The following DOK5 variants were observed in gnomAD, a reference collection of about 807,000 sequenced individuals.
DOK5 encodes the protein downstream of tyrosine kinase 5.
DOK5 carries 27 observed loss-of-function variants against 43.3 expected under a neutral mutation model. The ratio of observed to expected loss-of-function variants is 0.62; its 90% confidence interval spans 0.46 to 0.86. The LOEUF (loss-of-function observed/expected upper bound fraction) is 0.86, where lower values mean the gene tolerates loss of function less well. Among genes scored for constraint, DOK5 ranks in the 40% least tolerant of loss-of-function variants. The pLI, the probability that DOK5 is intolerant of heterozygous loss-of-function variation, is 0.00. For missense variants in DOK5, 373 were observed against 392.9 expected (o/e 0.95, Z 0.43); for synonymous variants, 146 against 140.1 (o/e 1.04, Z -0.30).
intron 2 of DOK5, among the ~76,000 whole-genome samples, chr20:54,561,499 A>T (rs1317265850): frequency 6.6e-6 from 1 of 152,208 alleles, no homozygotes; most frequent in African/African-American, 2.4e-5. Flanking sequence ...TGGAAAGCTC[A>T]TGGATTGAGG....
intron 1 of DOK5, among the ~76,000 whole-genome samples, chr20:54,485,716 T>G (rs1482169180): frequency 6.6e-6 from 1 of 152,214 alleles, no homozygotes; most frequent in Admixed American, 6.5e-5. Context: ...TGTGTCTAGT[T>G]TTTAAAGAAA....
intron 1 of DOK5, among the ~76,000 whole-genome samples, chr20:54,525,442 A>T (rs1983545209): frequency 6.6e-6 from 1 of 152,216 alleles, no homozygotes; most frequent in South Asian, 2.1e-4. Flanking sequence ...TACCCTAAAG[A>T]GCAAGTAACA....
chr20:54,647,948 C>T (rs1023283004), intron 7 of DOK5, among the ~76,000 whole-genome samples: 1 of 151,992 alleles, frequency 6.6e-6, no homozygotes, highest in Non-Finnish European at 1.5e-5. Flanking sequence ...ACGAGGGAGA[C>T]AAGCCATATT....
chr20:54,579,681 C>T (rs1422358329), intron 2 of DOK5, among the ~76,000 whole-genome samples: 2 of 152,114 alleles, frequency 1.3e-5, no homozygotes, highest in East Asian at 3.8e-4. Context: ...ATTGTCTTCA[C>T]ATAGCATAAT....
At chr20:54,525,118 A>T (rs562475648) in intron 1 of DOK5, among the ~76,000 whole-genome samples, 1 of 152,324 alleles carries the variant, frequency 6.6e-6, no homozygotes, top group South Asian at 2.1e-4. Flanking sequence ...TCTAATTATG[A>T]GTGTCCTTGC....
intron 1 of DOK5, among the ~76,000 whole-genome samples, chr20:54,536,251 T>A (rs2146711173): frequency 6.6e-6 from 1 of 152,276 alleles, no homozygotes; most frequent in African/African-American, 2.4e-5. Context: ...TCTGAGATGG[T>A]GACATCATGG....
intron 1 of DOK5, among the ~76,000 whole-genome samples, chr20:54,499,539 T>C (rs35321528): frequency 0.12 from 17,619 of 152,236 alleles, 1,155 homozygotes; most frequent in African/African-American, 0.17. Context: ...GTTCTGCTAA[T>C]ATGGCAGTTA....
chr20:54,632,951 C>T (rs1978637898), intron 6 of DOK5, among the ~76,000 whole-genome samples: 1 of 152,018 alleles, frequency 6.6e-6, no homozygotes, highest in South Asian at 2.1e-4. Flanking sequence ...GTGGTGCGTC[C>T]CTGTAATCCC....
rs1279501553 is a variant in DOK5 at position 54,610,407 on chromosome 20, G to A, written c.619G>A (p.Gly207Arg). 3 of 1,582,134 alleles carry A rather than the reference G, an allele frequency of 1.9e-6. No individual in the cohort carries two copies. The highest frequency in any genetic ancestry group is 3.8e-5 in the Admixed American group (2 of 53,196). The change falls in exon 6 of 8, where the codon GGG becomes AGG. Residue 207 changes from glycine (G) to arginine (R), a missense_variant. Transcript: ENST00000262593. Reference protein sequence around the residue: ...EAGRMCETGEGLFIFQTRDGE... With the variant: ...EAGRMCETGERLFIFQTRDGE... ...TCACAGGATGTGTGAGACTGGTGAA[G>A]GGCTGTTTATCTTTCAGACCCGAGA...
chr20:54,503,790 C>T (rs1053262722), intron 1 of DOK5, among the ~76,000 whole-genome samples: 1 of 152,098 alleles, frequency 6.6e-6, no homozygotes, highest in African/African-American at 2.4e-5. Context: ...CTAGGTGCTC[C>T]TAGTGCTGAA....
intron 1 of DOK5, among the ~76,000 whole-genome samples, chr20:54,487,188 G>T (rs1981970391): frequency 6.6e-6 from 1 of 152,002 alleles, no homozygotes; most frequent in African/African-American, 2.4e-5. Flanking sequence ...ATAATTTTAG[G>T]GTAGTAAACA....
chr20:54,620,048 T>C (rs1013145687), intron 6 of DOK5, among the ~76,000 whole-genome samples: 2 of 150,972 alleles, frequency 1.3e-5, no homozygotes, highest in Non-Finnish European at 3.0e-5. Flanking sequence ...GGTTAACTTA[T>C]GGATTTTTTA....
chr20:54,615,638 G>A (rs191658660), intron 6 of DOK5, among the ~76,000 whole-genome samples: 69 of 152,284 alleles, frequency 4.5e-4, no homozygotes, highest in African/African-American at 1.5e-3. Context: ...ACAGCCTAGC[G>A]CAGTGGCTCA....
intron 1 of DOK5, among the ~76,000 whole-genome samples, chr20:54,539,934 C>T (rs547282702): frequency 4.3e-4 from 65 of 152,302 alleles, no homozygotes; most frequent in African/African-American, 1.3e-3. Context: ...TGAAGTGCAG[C>T]GGAGGAAATA....
chr20:54,519,770 T>A (rs73140104), intron 1 of DOK5, among the ~76,000 whole-genome samples: 6,750 of 152,330 alleles, frequency 0.044, 201 homozygotes, highest in Middle Eastern at 0.075. Flanking sequence ...ACTATGTTTG[T>A]GAATTTGGCT....
At chr20:54,564,693 C>A (rs555805259) in intron 2 of DOK5, among the ~76,000 whole-genome samples, 1 of 152,250 alleles carries the variant, frequency 6.6e-6, no homozygotes, top group Non-Finnish European at 1.5e-5. Context: ...ATGTCAATCC[C>A]ATGTTGTAAC....
intron 1 of DOK5, among the ~76,000 whole-genome samples, chr20:54,538,758 T>G (rs1203712224): frequency 6.6e-6 from 1 of 152,176 alleles, no homozygotes; most frequent in Non-Finnish European, 1.5e-5. Context: ...CACACAAAAA[T>G]CTGTGTACGA....
chr20:54,499,500 C>G (rs781618853), intron 1 of DOK5, among the ~76,000 whole-genome samples: 7 of 152,332 alleles, frequency 4.6e-5, no homozygotes. Flanking sequence ...GTGAATCAGG[C>G]ATCACCCACA....
At chr20:54,638,973 G>A (rs918745524) in intron 6 of DOK5, among the ~76,000 whole-genome samples, 6 of 151,976 alleles carry the variant, frequency 3.9e-5, no homozygotes, top group Admixed American at 6.6e-5. Context: ...GAGCCACTGC[G>A]CCCAGCCACA....
Sources: gnomAD v4.1 joint callset for allele counts (sites outside exome capture counted in the v4.1 genomes callset) on GRCh38, gnomAD v4.1.1 for gene constraint, MANE v1.5 for transcripts, NCBI Gene and HGNC (gene_info 2026-07-23, HGNC 2026-07-21) for gene names.